Variants in PTPRM observed in about 807,000 individuals in gnomAD.
The protein encoded by PTPRM is receptor-type tyrosine-protein phosphatase mu.
A neutral mutation model predicts 186.7 loss-of-function variants in PTPRM; 47 were observed. That is an observed-to-expected ratio of 0.25 (90% CI 0.20 to 0.32). The LOEUF is 0.32. PTPRM is among the 10% of genes least tolerant of loss of function. The probability of loss-of-function intolerance (pLI) is 1.00; values close to 1 mark genes in which losing one functional copy is unlikely to be tolerated. For missense variants in PTPRM, 1,494 were observed against 1,865.0 expected (o/e 0.80, Z 3.66); for synonymous variants, 668 against 674.9 (o/e 0.99, Z 0.16).
chr18:8,303,431 T>G (rs972787847), intron 20 of PTPRM, among the ~76,000 whole-genome samples: 6 of 152,218 alleles, frequency 3.9e-5, no homozygotes, highest in African/African-American at 1.4e-4. Context: ...CATTTTGTTT[T>G]ATAGCAGTGT....
intron 7 of PTPRM, among the ~76,000 whole-genome samples, chr18:7,965,131 C>T (rs1381683131): frequency 7.3e-5 from 11 of 151,180 alleles, no homozygotes; most frequent in African/African-American, 2.4e-4. Context: ...CTGCAACCTC[C>T]GCCTCCCAGT....
chr18:7,813,825 T>G (rs762679322), intron 2 of PTPRM, among the ~76,000 whole-genome samples: 1 of 152,292 alleles, frequency 6.6e-6, no homozygotes, highest in Admixed American at 6.5e-5. Flanking sequence ...GTCTTCTAGA[T>G]TACTAATTTA....
chr18:7,856,163 TC>T (rs2047083620), intron 2 of PTPRM, among the ~76,000 whole-genome samples: 1 of 152,186 alleles, frequency 6.6e-6, no homozygotes, highest in Non-Finnish European at 1.5e-5. Context: ...CCTTCTATTT[TC>T]CATGGGAATG....
intron 13 of PTPRM, among the ~76,000 whole-genome samples, chr18:8,123,717 A>G (rs1292352673): frequency 6.6e-6 from 1 of 152,178 alleles, no homozygotes; most frequent in African/African-American, 2.4e-5. Flanking sequence ...CCTCCCCTCT[A>G]AAACCTTGAC....
At chr18:7,984,957 TTATATACATATAATTA>T (rs1411550941) in intron 7 of PTPRM, among the ~76,000 whole-genome samples, 2,773 of 121,498 alleles carry the variant, frequency 0.023, 152 homozygotes, top group African/African-American at 0.088. Context: ...ACATATATAA[TTATATACATATAATTA>T]TATATACATA....
At chr18:7,979,384 G>T (rs868621147) in intron 7 of PTPRM, among the ~76,000 whole-genome samples, 1 of 152,174 alleles carries the variant, frequency 6.6e-6, no homozygotes, top group Non-Finnish European at 1.5e-5. Flanking sequence ...AATTCTTACC[G>T]ATAGGTTCAT....
In PTPRM at chr18:7,626,255, T is replaced by A. The variant is rs545827444; in HGVS notation, c.73+58364T>A. ...CAATCAGGTAATATGACATAGGAAA[T>A]GCCCTTCCCTCTGTGAGACATGCAC... is the stretch of plus-strand genomic sequence containing the variant. On this transcript the variant is annotated intron_variant, in intron 1 of 32. Transcript: ENST00000580170. Among the ~76,000 whole-genome samples the A allele has an allele frequency of 6.6e-5, 10 of 152,336 alleles. No individual in the cohort carries two copies. In the East Asian group the frequency reaches 1.9e-3, roughly 29 times the overall value.
intron 2 of PTPRM, among the ~76,000 whole-genome samples, chr18:7,778,518 G>A (rs1176706427): frequency 6.6e-6 from 1 of 152,028 alleles, no homozygotes; most frequent in Non-Finnish European, 1.5e-5. Context: ...CTGGAGTGAA[G>A]TGGCACGATT....
At chr18:8,138,163 C>T (rs2146035853) in intron 13 of PTPRM, among the ~76,000 whole-genome samples, 1 of 152,042 alleles carries the variant, frequency 6.6e-6, no homozygotes, top group South Asian at 2.1e-4. Flanking sequence ...ACACTGGTCA[C>T]ACCCCTCCCC....
intron 11 of PTPRM, among the ~76,000 whole-genome samples, chr18:8,099,153 C>T (rs768534343): frequency 6.6e-6 from 1 of 151,552 alleles, no homozygotes; most frequent in African/African-American, 2.4e-5. Context: ...CTCTCTCTCT[C>T]TCTCTTTCTC....
chr18:8,389,678 A>G (rs978235758), intron 31 of PTPRM, among the ~76,000 whole-genome samples: 1 of 152,186 alleles, frequency 6.6e-6, no homozygotes, highest in Non-Finnish European at 1.5e-5. Context: ...ATTTTTGTTT[A>G]CATTTATATA....
At chr18:7,898,626 C>A (rs2049495575) in intron 3 of PTPRM, among the ~76,000 whole-genome samples, 1 of 152,156 alleles carries the variant, frequency 6.6e-6, no homozygotes. Context: ...AAGCAAATGG[C>A]TTTTCCCACA....
At chr18:7,842,887 G>GTGTA (rs373873606) in intron 2 of PTPRM, among the ~76,000 whole-genome samples, 65,799 of 126,708 alleles carry the variant, frequency 0.52, 18,749 homozygotes, top group East Asian at 0.83. Context: ...TTTCTCGTGT[G>GTGTA]TATATATATA....
chr18:8,247,161 C>A (rs114484643), intron 15 of PTPRM, among the ~76,000 whole-genome samples: 1,537 of 152,046 alleles, frequency 0.01, 24 homozygotes, highest in African/African-American at 0.035. Context: ...CCATGAAGAG[C>A]GTTTTAAAAT....
chr18:8,362,228 G>A (rs758549163), intron 23 of PTPRM, among the ~76,000 whole-genome samples: 13 of 152,108 alleles, frequency 8.5e-5, no homozygotes, highest in South Asian at 2.1e-4. Context: ...ATCCCTTGTC[G>A]CAATTAGTTC....
At chr18:8,215,845 T>C (rs1345806740) in intron 14 of PTPRM, among the ~76,000 whole-genome samples, 1 of 152,156 alleles carries the variant, frequency 6.6e-6, no homozygotes, top group Non-Finnish European at 1.5e-5. Flanking sequence ...ACCAGGCAGC[T>C]ATTGCTTCTT....
chr18:8,154,238 G>A (rs536027652), intron 14 of PTPRM, among the ~76,000 whole-genome samples: 102 of 152,272 alleles, frequency 6.7e-4, no homozygotes, highest in African/African-American at 2.4e-3. Context: ...GAACTGCCTC[G>A]GGTGTGGATT....
chr18:8,104,117 A>C (rs924631282), intron 11 of PTPRM, among the ~76,000 whole-genome samples: 1 of 152,184 alleles, frequency 6.6e-6, no homozygotes. Flanking sequence ...TGTTGCAGGA[A>C]TTACCAAAAT....
intron 1 of PTPRM, among the ~76,000 whole-genome samples, chr18:7,720,698 C>A (rs2040430170): frequency 6.6e-6 from 1 of 152,138 alleles, no homozygotes; most frequent in South Asian, 2.1e-4. Context: ...TTTGACTACT[C>A]TAGGTATCCC....
Sources: allele counts gnomAD v4.1 joint callset (sites outside exome capture counted in the v4.1 genomes callset), GRCh38; gene constraint gnomAD v4.1.1; transcripts MANE v1.5; gene names NCBI Gene and HGNC (gene_info 2026-07-23, HGNC 2026-07-21).